PBRM1: variants seen among roughly 807,000 people sequenced by gnomAD.
PBRM1 encodes protein polybromo-1.
PBRM1 carries 27 observed loss-of-function variants against 194.5 expected under a neutral mutation model. The observed-to-expected ratio is 0.14, with a 90% CI of 0.10 to 0.19. The LOEUF (loss-of-function observed/expected upper bound fraction) is 0.19, where lower values mean the gene tolerates loss of function less well. Ranked by LOEUF, PBRM1 falls within the 10% of genes least tolerant of loss-of-function variation. PBRM1 has a pLI of 1.00. For missense variants in PBRM1, 1,466 were observed against 2,077.2 expected, an observed-to-expected ratio of 0.71 and a Z score of 5.72; for synonymous variants, 655 against 693.2, an observed-to-expected ratio of 0.94 and a Z score of 0.87.
At chr3:52,668,050 C>T (rs1255416311) in intron 3 of PBRM1, among the ~76,000 whole-genome samples, 1 of 152,208 alleles carries the variant, frequency 6.6e-6, no homozygotes, top group African/African-American at 2.4e-5. Flanking sequence ...AATCCCTGCA[C>T]TTTGGGAGGC....
chr3:52,592,131 T>G (rs2093144492), intron 17 of PBRM1, among the ~76,000 whole-genome samples: 1 of 149,218 alleles, frequency 6.7e-6, no homozygotes, highest in Non-Finnish European at 1.5e-5. Context: ...GGTTTTTTTT[T>G]TTTTTTTTTT....
chr3:52,640,758 C>G (rs2096048460), intron 10 of PBRM1, among the ~76,000 whole-genome samples: 1 of 152,042 alleles, frequency 6.6e-6, no homozygotes, highest in African/African-American at 2.4e-5. Flanking sequence ...CTTCCTAAGC[C>G]TTCCGAGTAG....
At chr3:52,578,438 C>G (rs891479280) in intron 21 of PBRM1, among the ~76,000 whole-genome samples, 1 of 152,164 alleles carries the variant, frequency 6.6e-6, no homozygotes, top group Non-Finnish European at 1.5e-5. Flanking sequence ...AAATCATTCA[C>G]CTAAGGACCT....
chr3:52,578,067 C>CACTGCCTGGAATCGA (rs1259376432), intron 21 of PBRM1, among the ~76,000 whole-genome samples: 5 of 152,136 alleles, frequency 3.3e-5, no homozygotes, highest in Admixed American at 3.3e-4. Context: ...TGGCTGTTCC[C>CACTGCCTGGAATCGA]ACTGCCTGGA....
chr3:52,566,048 TCAAAACAAAA>T (rs143319527), intron 22 of PBRM1, among the ~76,000 whole-genome samples: 3 of 151,112 alleles, frequency 2.0e-5, no homozygotes, highest in African/African-American at 7.3e-5. Flanking sequence ...AGACTCTGTC[TCAAAACAAAA>T]CAAAACAAAA....
At chr3:52,671,545 C>T (rs1428067468) in intron 2 of PBRM1, among the ~76,000 whole-genome samples, 1 of 152,236 alleles carries the variant, frequency 6.6e-6, no homozygotes, top group Admixed American at 6.5e-5. Context: ...CACCAGTTAT[C>T]TTTTAGTAGT....
chr3:52,602,439 T>C (rs1437999600), intron 17 of PBRM1, among the ~76,000 whole-genome samples: 1 of 152,212 alleles, frequency 6.6e-6, no homozygotes, highest in African/African-American at 2.4e-5. Flanking sequence ...TTTTCAAGTA[T>C]CCTTTGGATT....
chr3:52,685,866 A>T (rs1182353621), upstream of PBRM1: 1 of 514,566 alleles, frequency 1.9e-6, no homozygotes, highest in Non-Finnish European at 3.4e-6. Context: ...TCGCTTCGGC[A>T]CCCGCCGCCC....
In PBRM1 at chr3:52,609,770, T is replaced by C. The variant is rs747614290; in HGVS notation, c.2110A>G (p.Met704Val). The change falls in exon 16 of 30, where the codon ATG becomes GTG. Residue 704 changes from methionine (M) to valine (V), a missense_variant. Met to Val is a conservative substitution (Grantham distance 21, BLOSUM62 1). Transcript: ENST00000296302. This position sits in a 1 kb window ranked among gnomAD's most constrained non-coding sequence, Gnocchi z 4.1. ...TGACTTCGAATTTTTTCCATGTCCA[T>C]GGGCTTTTTAATAGTCAGATAGTAG... 28 of 1,610,264 alleles carry C rather than the reference T, an allele frequency of 1.7e-5. No homozygotes were observed. Among genetic ancestry groups the C allele is most frequent in the Non-Finnish European group, 2.4e-5 (28 of 1,178,886 alleles).
chr3:52,627,056 T>C (rs1348676828), intron 13 of PBRM1, among the ~76,000 whole-genome samples: 2 of 150,766 alleles, frequency 1.3e-5, no homozygotes, highest in Non-Finnish European at 2.9e-5. Context: ...AAGCTACATA[T>C]GTAGTAGTCA....
rs1388593252 is a variant in PBRM1 at position 52,627,149 on chromosome 3, A to G, written c.1541+124T>C. 7 of 535,096 alleles carry G rather than the reference A, an allele frequency of 1.3e-5. No individual in the cohort carries two copies. In the East Asian group the frequency reaches 2.0e-4, roughly 16 times the overall value. 33.1% of individuals were successfully genotyped at this position (535,096 alleles called of 1,614,324 possible). On this transcript the variant is annotated intron_variant, in intron 13 of 29. Transcript: ENST00000296302. Reference sequence around the variant, plus strand: ...TCCAATTGCAAATGAATTTTAAAAGAGAACACATTACCATTTATTTAAAGC... The same window carrying G: ...TCCAATTGCAAATGAATTTTAAAAGGGAACACATTACCATTTATTTAAAGC...
intron 13 of PBRM1, among the ~76,000 whole-genome samples, chr3:52,622,148 T>A (rs2095302952): frequency 1.3e-5 from 2 of 152,154 alleles, no homozygotes; most frequent in Admixed American, 1.3e-4. Context: ...GAGACCAGCC[T>A]GGCCAACATG....
intron 12 of PBRM1, 104 bp downstream of exon 13, chr3:52,628,790 G>T: frequency 9.7e-7 from 1 of 1,034,156 alleles, no homozygotes; most frequent in Non-Finnish European, 1.5e-6. Flanking sequence ...TAATATTACT[G>T]CTGAGGGTGG....
At chr3:52,586,772 A>AAG (rs2092453204) in intron 19 of PBRM1, 84 bp from the exon 22 acceptor site, 2 of 925,258 alleles carry the variant, frequency 2.2e-6, no homozygotes, top group Non-Finnish European at 3.2e-6. Flanking sequence ...AAAAAAGCAA[A>AAG]TAACCAACCA....
At chr3:52,631,008 T>C (rs1171164179) in intron 11 of PBRM1, among the ~76,000 whole-genome samples, 1 of 152,222 alleles carries the variant, frequency 6.6e-6, no homozygotes, top group Non-Finnish European at 1.5e-5. Flanking sequence ...AGACTATCAC[T>C]ATCTTTTCCC....
intron 17 of PBRM1, among the ~76,000 whole-genome samples, chr3:52,603,112 T>C (rs1365222641): frequency 1.3e-5 from 2 of 152,254 alleles, no homozygotes; most frequent in African/African-American, 4.8e-5. Context: ...CAAAATATCA[T>C]CTACTTGTCT....
chr3:52,603,858 G>T, intron 16 of PBRM1, 126 bp from the exon 19 acceptor site: 2 of 848,756 alleles, frequency 2.4e-6, no homozygotes, highest in Non-Finnish European at 3.5e-6. Context: ...GGTCTATGAA[G>T]AGTATCTTTC....
At chr3:52,630,743 G>A (rs2095592565) in intron 11 of PBRM1, among the ~76,000 whole-genome samples, 3 of 152,128 alleles carry the variant, frequency 2.0e-5, no homozygotes, top group Admixed American at 1.3e-4. Context: ...TCCCCTGTGT[G>A]CCACACAATT....
At chr3:52,627,422 G>T (rs1389105756) in intron 12 of PBRM1, 52 bp from the exon 14 acceptor site, 1 of 1,008,142 alleles carries the variant, frequency 9.9e-7, no homozygotes, top group Non-Finnish European at 1.6e-6. Context: ...ACACTCCTCT[G>T]AATATATGAA....
Sources: gnomAD v4.1 joint callset for allele counts (sites outside exome capture counted in the v4.1 genomes callset) on GRCh38, gnomAD v4.1.1 for gene constraint, Gnocchi (gnomAD v3.1) non-coding constraint, MANE v1.5 for transcripts, NCBI Gene and HGNC (gene_info 2026-07-23, HGNC 2026-07-21) for gene names.